Variants in NBAS observed in about 807,000 individuals in gnomAD.
The protein encoded by NBAS is NBAS subunit of NRZ tethering complex.
NBAS carries 219 observed loss-of-function variants against 302.5 expected under a neutral mutation model. That is an observed-to-expected ratio of 0.72 (90% confidence interval 0.65 to 0.81). NBAS has a LOEUF of 0.81. NBAS is among the 30% of genes least tolerant of loss of function. The pLI, the probability that NBAS is intolerant of heterozygous loss-of-function variation, is 0.00. For missense variants in NBAS, 2,932 were observed against 2,841.6 expected, an observed-to-expected ratio of 1.03 and a Z score of -0.72; for synonymous variants, 1,118 against 1,021.6, an observed-to-expected ratio of 1.09 and a Z score of -1.80.
At position 15,468,520 on chromosome 2, in the gene NBAS, T is replaced by C; in HGVS notation, c.1739A>G (p.Lys580Arg). The C allele has an allele frequency of 6.2e-7, 1 of 1,614,028 alleles. No individual in the cohort carries two copies. The highest frequency in any genetic ancestry group is 1.1e-5 in the South Asian group (1 of 91,082). Residue 580 changes from lysine (K) to arginine (R), a missense_variant, in exon 17 of 52, where the codon AAG becomes AGG. Physicochemically the swap from Lys to Arg is conservative, Grantham distance 26. Transcript: ENST00000281513. ...ACACTCATGGAGAACCCAGGATCGC[T>C]TCTTTATTTTACTCTGCATATAAAG... ...SIQNYLSKIK[K>R]RSWVLHECLE...
intron 11 of NBAS, among the ~76,000 whole-genome samples, chr2:15,500,980 A>G (rs2148630692): frequency 6.6e-6 from 1 of 151,534 alleles, no homozygotes. Context: ...AAGAATATAA[A>G]TAATTCTTAT....
the NBAS span, among the ~76,000 whole-genome samples, chr2:14,909,267 C>A: frequency 6.7e-6 from 1 of 149,268 alleles, no homozygotes; most frequent in Admixed American, 6.7e-5. Context: ...TTGCAGTGAG[C>A]CGGGATTGTG....
intron 16 of NBAS, 59 bp from the exon 17 acceptor site, chr2:15,468,592 A>T (rs1679826640): frequency 6.4e-7 from 1 of 1,568,108 alleles, no homozygotes; most frequent in South Asian, 1.1e-5. Flanking sequence ...ACAACACATT[A>T]CAACTGCCTT....
chr2:15,049,190 C>T, the NBAS span, among the ~76,000 whole-genome samples: 1 of 152,226 alleles, frequency 6.6e-6, no homozygotes, highest in Admixed American at 6.5e-5. Flanking sequence ...GCGACCCTTC[C>T]ACCTGCACCC....
At chr2:14,786,475 C>T in the NBAS span, among the ~76,000 whole-genome samples, 7 of 152,072 alleles carry the variant, frequency 4.6e-5, no homozygotes, top group Admixed American at 1.3e-4. Context: ...ATAAATTTCC[C>T]GCTACACACT....
intron 34 of NBAS, among the ~76,000 whole-genome samples, chr2:15,353,128 A>G (rs1673446547): frequency 1.3e-5 from 2 of 152,146 alleles, no homozygotes; most frequent in Admixed American, 1.3e-4. Flanking sequence ...TGTGAATTTT[A>G]GGAAATTTAG....
the NBAS span, among the ~76,000 whole-genome samples, chr2:15,152,384 C>T: frequency 1.3e-5 from 2 of 152,188 alleles, no homozygotes; most frequent in Admixed American, 6.5e-5. Flanking sequence ...TGGCCTAAAG[C>T]TGCTGCCTCT....
At chr2:14,930,302 A>G in the NBAS span, among the ~76,000 whole-genome samples, 1 of 152,194 alleles carries the variant, frequency 6.6e-6, no homozygotes, top group Non-Finnish European at 1.5e-5. Flanking sequence ...TGAAAAATGG[A>G]CCATGCTATA....
At chr2:15,101,957 G>T in the NBAS span, among the ~76,000 whole-genome samples, 1 of 152,218 alleles carries the variant, frequency 6.6e-6, no homozygotes, top group South Asian at 2.1e-4. Context: ...CCATGGCCTT[G>T]TGGGCCATTT....
At chr2:15,406,650 C>T (rs994102825) in intron 25 of NBAS, among the ~76,000 whole-genome samples, 5 of 151,966 alleles carry the variant, frequency 3.3e-5, no homozygotes, top group African/African-American at 9.7e-5. Flanking sequence ...TAATATATGC[C>T]ACAGAGAAAG....
At chr2:15,476,579 G>C (rs1019732930) in intron 13 of NBAS, among the ~76,000 whole-genome samples, 8 of 152,050 alleles carry the variant, frequency 5.3e-5, no homozygotes, top group Non-Finnish European at 1.2e-4. Context: ...AAATTAGCCA[G>C]GCATGGTGGT....
the NBAS span, among the ~76,000 whole-genome samples, chr2:15,137,597 C>G: frequency 8.5e-5 from 13 of 152,202 alleles, no homozygotes; most frequent in South Asian, 2.7e-3. Context: ...TTAATGGTAC[C>G]TTCAGTTTTT....
intron 34 of NBAS, among the ~76,000 whole-genome samples, chr2:15,352,681 T>C (rs1297939912): frequency 6.6e-6 from 1 of 152,142 alleles, no homozygotes; most frequent in Non-Finnish European, 1.5e-5. Flanking sequence ...AGGAGTCGTA[T>C]GCATGTTCAG....
intron 19 of NBAS, 93 bp downstream of exon 19, chr2:15,467,236 T>G: frequency 4.1e-6 from 4 of 964,592 alleles, no homozygotes; most frequent in Non-Finnish European, 3.3e-6. Context: ...AAAATAGTTC[T>G]AAAGACCAAG....
At chr2:15,220,117 G>A (rs1170031513) in intron 47 of NBAS, among the ~76,000 whole-genome samples, 8 of 148,426 alleles carry the variant, frequency 5.4e-5, no homozygotes, top group Non-Finnish European at 1.0e-4. Context: ...GGGGCGGCTG[G>A]CCGGGCGGGG....
intron 38 of NBAS, among the ~76,000 whole-genome samples, chr2:15,313,120 G>A (rs1236554678): frequency 1.3e-5 from 2 of 152,094 alleles, no homozygotes; most frequent in African/African-American, 4.8e-5. Context: ...CCTATGGAGC[G>A]TTTAAAGTCT....
chr2:15,055,433 C>T, the NBAS span, among the ~76,000 whole-genome samples: 1 of 152,164 alleles, frequency 6.6e-6, no homozygotes, highest in African/African-American at 2.4e-5. Flanking sequence ...CTCTCCTCTA[C>T]TCTTCCTGAA....
At chr2:15,147,208 G>A in the NBAS span, among the ~76,000 whole-genome samples, 1 of 152,150 alleles carries the variant, frequency 6.6e-6, no homozygotes, top group African/African-American at 2.4e-5. Flanking sequence ...TCTAGGAATG[G>A]AGGCTGGTGC....
chr2:15,147,547 G>A, the NBAS span, among the ~76,000 whole-genome samples: 29 of 151,932 alleles, frequency 1.9e-4, 1 homozygote, highest in African/African-American at 5.1e-4. Context: ...AGCCAAGATC[G>A]CACCATTGCA....
Sources: gnomAD v4.1 joint callset for allele counts (sites outside exome capture counted in the v4.1 genomes callset) on GRCh38, gnomAD v4.1.1 for gene constraint, MANE v1.5 for transcripts, NCBI Gene and HGNC (gene_info 2026-07-23, HGNC 2026-07-21) for gene names.